Variants in PACS2 observed in about 807,000 individuals in gnomAD.
PACS2 encodes the protein PACS1-like protein.
PACS2 carries 36 observed loss-of-function variants against 113.0 expected under a neutral mutation model. The observed-to-expected ratio is 0.32, with a 90% CI of 0.24 to 0.42. PACS2 has a LOEUF of 0.42. Among genes scored for constraint, PACS2 ranks in the 10% least tolerant of loss-of-function variants. PACS2 has a pLI of 1.00. For synonymous variants in PACS2, 589 were observed against 536.1 expected, an observed-to-expected ratio of 1.10 and a Z score of -1.36; for missense variants, 1,015 against 1,239.5, an observed-to-expected ratio of 0.82 and a Z score of 2.72.
At chr14:105,353,810 T>G (rs1566932953) in intron 3 of PACS2, among the ~76,000 whole-genome samples, 1 of 152,106 alleles carries the variant, frequency 6.6e-6, no homozygotes, top group Non-Finnish European at 1.5e-5. Context: ...GCCAGGCTGG[T>G]CTCGAACTCC....
chr14:105,371,470 A>G (rs1206227564), intron 8 of PACS2: 2 of 152,284 alleles, frequency 1.3e-5, no homozygotes, highest in African/African-American at 4.8e-5. Context: ...CTGTTCAGGG[A>G]GAGGACATCG....
intron 12 of PACS2, among the ~76,000 whole-genome samples, chr14:105,381,674 C>G (rs989522750): frequency 6.6e-6 from 1 of 152,360 alleles, no homozygotes; most frequent in Middle Eastern, 3.4e-3. Flanking sequence ...GTCTCACAGG[C>G]AGAGCTGTGT....
chr14:105,341,064 G>A (rs2059704037), intron 1 of PACS2, among the ~76,000 whole-genome samples: 1 of 152,258 alleles, frequency 6.6e-6, no homozygotes, highest in African/African-American at 2.4e-5. Context: ...CCTGAGACCT[G>A]CAGTGCCTGC....
chr14:105,375,468 C>T (rs1426952247), intron 8 of PACS2, among the ~76,000 whole-genome samples: 2 of 127,288 alleles, frequency 1.6e-5, no homozygotes, highest in Admixed American at 9.3e-5. Flanking sequence ...ACAGACAGTG[C>T]GAGACTCCAT....
chr14:105,369,746 G>A (rs1446773223), intron 7 of PACS2, 95 bp from the exon 8 acceptor site: 1 of 1,067,388 alleles, frequency 9.4e-7, no homozygotes, highest in Non-Finnish European at 1.4e-6. Context: ...CTCTCCCACG[G>A]CGGGCCTGGG....
chr14:105,320,588 T>C (rs1031035368), intron 1 of PACS2, among the ~76,000 whole-genome samples: 1 of 152,112 alleles, frequency 6.6e-6, no homozygotes, highest in Admixed American at 6.6e-5. Context: ...AGTGATCCTC[T>C]CACCTTGGCC....
Position 105,366,890 on chromosome 14 carries a change from A to G in PACS2, c.424-323A>G, listed in dbSNP as rs1164485832. On this transcript the variant is annotated intron_variant, in intron 4 of 24. Transcript: ENST00000447393. This position sits in a 1 kb window ranked among gnomAD's most constrained non-coding sequence, Gnocchi z 4.3. The stretch of plus-strand genomic sequence containing the variant: ...GGGCCGCGGACACCCCTGTCTGTCC[A>G]TCTCAGTCCCTCGTGACTGTGCCTG... Among the ~76,000 whole-genome samples, 4 of 152,170 alleles carry G rather than the reference A, an allele frequency of 2.6e-5. No homozygotes were observed. The highest frequency in any genetic ancestry group is 5.9e-5 in the Non-Finnish European group (4 of 68,016).
chr14:105,341,031 G>A (rs904029386), intron 1 of PACS2, among the ~76,000 whole-genome samples: 11 of 152,222 alleles, frequency 7.2e-5, no homozygotes, highest in African/African-American at 1.2e-4. Flanking sequence ...TGGCAGTCTC[G>A]GCCACACATA....
intron 1 of PACS2, among the ~76,000 whole-genome samples, chr14:105,335,227 C>G (rs587724664): frequency 1.3e-5 from 2 of 152,396 alleles, no homozygotes; most frequent in East Asian, 3.9e-4. Flanking sequence ...ACCTCGGAGG[C>G]TTCCCTGCTC....
chr14:105,351,191 G>A (rs76723057), intron 2 of PACS2, among the ~76,000 whole-genome samples: 6 of 152,236 alleles, frequency 3.9e-5, no homozygotes, highest in African/African-American at 7.2e-5. Context: ...CTTGTTTCTC[G>A]GGGCACGAGG....
At chr14:105,309,744 G>GC (rs1355220625), upstream of PACS2, among the ~76,000 whole-genome samples, 1 of 145,888 alleles carries the variant, frequency 6.9e-6, no homozygotes, top group Non-Finnish European at 1.5e-5. The surrounding 1 kb of genome is among the most constrained non-coding windows in gnomAD (Gnocchi z 4.0). Flanking sequence ...GTCTAGATTA[G>GC]CCTGCATTAA....
At chr14:105,391,393 C>A in intron 21 of PACS2, 144 bp downstream of exon 21, 1 of 705,926 alleles carries the variant, frequency 1.4e-6, no homozygotes, top group Admixed American at 2.3e-5. Context: ...TTCTGTCCTG[C>A]GGGGGGTTCA....
In PACS2 at chr14:105,368,456, C is replaced by T. The variant is rs782722006; in HGVS notation, c.661-3C>T. ...GCCTCAGCCACTGCATATGTCTCTG[C>T]AGGACTTGGACGAGGACGACTTTGA... On this transcript the variant is annotated splice_polypyrimidine_tract_variant and splice_region_variant and intron_variant, in intron 6 of 24. Coordinates refer to ENST00000447393, the MANE Select transcript of PACS2 (RefSeq NM_001100913.3). 4 of 1,612,774 alleles carry T rather than the reference C, an allele frequency of 2.5e-6. No homozygotes were observed. The highest frequency in any genetic ancestry group is 2.2e-5 in the South Asian group (2 of 91,052).
Position 105,394,804 on chromosome 14 carries a change from C to T in PACS2, c.*132C>T. On this transcript the variant is annotated 3_prime_UTR_variant, in exon 25 of 25. Transcript: ENST00000447393. ...AGAAACAGTCTTAAGTATGAATGTG[C>T]TCACAACGTGGAAACTAACGGGGGA... is the stretch of plus-strand genomic sequence containing the variant. 1.4e-6 allele frequency: 1 copy of T among 691,934 alleles called. No individual in the cohort carries two copies. Among genetic ancestry groups the T allele is most frequent in the East Asian group, 2.6e-5 (1 of 38,590 alleles). The allele number at this position is 691,934 out of a possible 1,614,324, so 42.9% of individuals were successfully genotyped here.
chr14:105,339,145 A>G (rs2059631538), intron 1 of PACS2, among the ~76,000 whole-genome samples: 1 of 152,130 alleles, frequency 6.6e-6, no homozygotes, highest in Non-Finnish European at 1.5e-5. Flanking sequence ...AGCTAAGTGG[A>G]TGCTGCCAAA....
At chr14:105,321,282 T>G (rs910586684) in intron 1 of PACS2, among the ~76,000 whole-genome samples, 25 of 152,232 alleles carry the variant, frequency 1.6e-4, no homozygotes, top group African/African-American at 5.3e-4. Context: ...CCTTTTTTTG[T>G]CTACTAGAAA....
rs1555412152 is a variant in PACS2 at position 105,381,967 on chromosome 14, G to A, written c.1322G>A (p.Arg441Gln). 4.5e-6 allele frequency: 7 copies of A among 1,550,450 alleles called. No homozygotes were observed. Among genetic ancestry groups the A allele is most frequent in the South Asian group, 1.2e-5 (1 of 84,052 alleles). Reference sequence around the variant, plus strand: ...GGCCGGAGCACATCCTTGAAGGAGCGGCAGGCAGCACGGCCCCAGAATGAG... The same window carrying A: ...GGCCGGAGCACATCCTTGAAGGAGCAGCAGGCAGCACGGCCCCAGAATGAG... ...RRGRSTSLKE[R>Q]QAARPQNERA... The change falls in exon 13 of 25, where the codon CGG (arginine) becomes CAG (glutamine). Residue 441 changes from arginine (R) to glutamine (Q), a missense_variant. By Grantham distance (43) the Arg-to-Gln change is conservative. Around this residue, in one of 3 missense-constraint regions of PACS2, gnomAD observed 859 missense variants for 1,056.8 expected, o/e 0.81. Transcript: ENST00000447393.
chr14:105,393,087 T>A, intron 23 of PACS2, 135 bp from the exon 24 acceptor site: 1 of 750,064 alleles, frequency 1.3e-6, no homozygotes, highest in Non-Finnish European at 2.3e-6. Context: ...TCAGTCACCG[T>A]GGAAGGCAGG....
chr14:105,310,509 G>T (rs181991823), upstream of PACS2, among the ~76,000 whole-genome samples: 1 of 115,420 alleles, frequency 8.7e-6, no homozygotes, highest in African/African-American at 3.5e-5. Context: ...CAGCCTGGGC[G>T]ACAGACAGAG....
Sources: allele counts gnomAD v4.1 joint callset (sites outside exome capture counted in the v4.1 genomes callset), GRCh38; gene constraint gnomAD v4.1.1; regional missense constraint gnomAD v4.1.1; non-coding constraint Gnocchi (gnomAD v3.1); transcripts MANE v1.5; gene names NCBI Gene and HGNC (gene_info 2026-07-23, HGNC 2026-07-21).